Variants in PAMR1 observed in about 807,000 individuals in gnomAD.
PAMR1 encodes peptidase domain containing associated with muscle regeneration 1.
In PAMR1, 88 loss-of-function variants were observed where a neutral mutation model predicts 81.8. The ratio of observed to expected loss-of-function variants is 1.08; its 90% CI spans 0.91 to 1.28. PAMR1 has a LOEUF of 1.28. Ranked by LOEUF, PAMR1 falls within the 50% of genes most tolerant of loss-of-function variation. The probability of loss-of-function intolerance (pLI) is 0.00; values close to 1 mark genes in which losing one functional copy is unlikely to be tolerated. For synonymous variants in PAMR1, 336 were observed against 345.3 expected (o/e 0.97, Z 0.30); for missense variants, 935 against 919.7 (o/e 1.02, Z -0.21).
chr11:35,439,081 G>C (rs79182220), intron 8 of PAMR1, among the ~76,000 whole-genome samples: 1 of 151,966 alleles, frequency 6.6e-6, no homozygotes, highest in Non-Finnish European at 1.5e-5. Context: ...GAGTAGAAAG[G>C]GGCTACTCCC....
chr11:35,522,346 T>TA (rs1434024160), intron 1 of PAMR1, among the ~76,000 whole-genome samples: 1 of 152,188 alleles, frequency 6.6e-6, no homozygotes, highest in Non-Finnish European at 1.5e-5. Context: ...CATCAAATAA[T>TA]AACTCCCATT....
At chr11:35,499,935 A>C (rs1296953451) in intron 1 of PAMR1, among the ~76,000 whole-genome samples, 1 of 152,242 alleles carries the variant, frequency 6.6e-6, no homozygotes, top group Non-Finnish European at 1.5e-5. Flanking sequence ...AGAGGGAGGC[A>C]GGATGGTCAG....
intron 1 of PAMR1, among the ~76,000 whole-genome samples, chr11:35,502,894 G>T (rs938157238): frequency 6.6e-6 from 1 of 151,992 alleles, no homozygotes; most frequent in Non-Finnish European, 1.5e-5. Flanking sequence ...TGCTTTTGAC[G>T]TTTTCCCCAA....
chr11:35,462,797 C>T (rs1856684419), intron 6 of PAMR1, among the ~76,000 whole-genome samples: 1 of 152,128 alleles, frequency 6.6e-6, no homozygotes, highest in African/African-American at 2.4e-5. Context: ...TCGCTCAAGA[C>T]CACCTGACTA....
intron 2 of PAMR1, 65 bp from the exon 3 acceptor site, chr11:35,492,238 G>A (rs1850645905): frequency 6.4e-7 from 1 of 1,567,140 alleles, no homozygotes; most frequent in African/African-American, 1.4e-5. Flanking sequence ...CAGCTGCATG[G>A]GAGCACAACT....
intron 3 of PAMR1, among the ~76,000 whole-genome samples, chr11:35,484,149 A>T (rs1275401884): frequency 6.6e-6 from 1 of 152,234 alleles, no homozygotes; most frequent in Non-Finnish European, 1.5e-5. Context: ...ACTATATACC[A>T]GACTCCATAT....
intron 8 of PAMR1, among the ~76,000 whole-genome samples, chr11:35,438,258 T>C (rs1388804611): frequency 1.3e-5 from 2 of 152,162 alleles, no homozygotes; most frequent in African/African-American, 2.4e-5. Context: ...GTAATATAAA[T>C]GGTAATAAAA....
At position 35,436,111 on chromosome 11, in the gene PAMR1, G is replaced by A. The variant is rs1180120578; in HGVS notation, c.1125C>T (p.Tyr375=). The A allele has an allele frequency of 3.1e-6, 5 of 1,613,866 alleles. No homozygotes were observed. Among genetic ancestry groups the A allele is most frequent in the African/African-American group, 1.3e-5 (1 of 74,934 alleles). ...QSRETPLHQL[Y]SAAFSKQKLQ... ...GTTTCTGCTTGCTGAAGGCCGCTGA[G>A]TATAGCTGGTGTAATGGTGTCTCCC... Residue 375 remains tyrosine, a synonymous_variant, in exon 9 of 11, where the codon TAC becomes TAT. Transcript: ENST00000619888.
intron 1 of PAMR1, among the ~76,000 whole-genome samples, chr11:35,510,522 G>C (rs1327684660): frequency 1.5e-5 from 2 of 136,752 alleles, no homozygotes; most frequent in East Asian, 4.2e-4. Flanking sequence ...AGTTCCTTGT[G>C]AAAATGTTTG....
At chr11:35,501,122 CCTTTTTTTTT>C (rs1464363536) in intron 1 of PAMR1, among the ~76,000 whole-genome samples, 1 of 144,204 alleles carries the variant, frequency 6.9e-6, no homozygotes. Context: ...AATTTTATAA[CCTTTTTTTTT>C]CTTTTTTTTT....
At chr11:35,528,112 G>C (rs564284788), upstream of PAMR1, among the ~76,000 whole-genome samples, 34 of 152,104 alleles carry the variant, frequency 2.2e-4, no homozygotes, top group African/African-American at 8.0e-4. Flanking sequence ...TGAACCTGAA[G>C]GATAGCAGTC....
At chr11:35,492,014 T>G in intron 3 of PAMR1, 31 bp downstream of exon 3, 1 of 1,593,758 alleles carries the variant, frequency 6.3e-7, no homozygotes. Context: ...CAGTGTGCAC[T>G]AGAGATGGAG....
At chr11:35,461,584 T>C (rs893286711) in intron 6 of PAMR1, among the ~76,000 whole-genome samples, 2 of 151,256 alleles carry the variant, frequency 1.3e-5, no homozygotes, top group East Asian at 1.9e-4. Flanking sequence ...ATTGATCTAA[T>C]TGAAAAGAAA....
chr11:35,453,280 T>C (rs1182670154), intron 6 of PAMR1: 1 of 152,232 alleles, frequency 6.6e-6, no homozygotes, highest in Admixed American at 6.5e-5. Flanking sequence ...CAAAAGCCCA[T>C]TGTTGGGCCT....
At position 35,487,569 on chromosome 11, in the gene PAMR1, G is replaced by A. The variant is rs562572639; in HGVS notation, c.379+4476C>T. Among the ~76,000 whole-genome samples the A allele has an allele frequency of 1.3e-4, 20 of 152,316 alleles. No individual in the cohort carries two copies. In the South Asian group the frequency reaches 2.9e-3, roughly 22 times the overall value. Reference sequence around the variant, plus strand: ...AACTCTGGCTTCGACTGGGTCCTCCGTCTCGCTTGGATATGCTTTAAGCTT... The same window carrying A: ...AACTCTGGCTTCGACTGGGTCCTCCATCTCGCTTGGATATGCTTTAAGCTT... On this transcript the variant is annotated intron_variant, in intron 3 of 10. Coordinates refer to ENST00000619888, the MANE Select transcript of PAMR1 (RefSeq NM_001001991.3).
At chr11:35,454,513 T>C (rs998918449) in intron 6 of PAMR1, among the ~76,000 whole-genome samples, 1 of 152,212 alleles carries the variant, frequency 6.6e-6, no homozygotes, top group Non-Finnish European at 1.5e-5. Flanking sequence ...TCCCCAGCTC[T>C]GTTACTGGTT....
At chr11:35,510,510 A>G (rs1407869314) in intron 1 of PAMR1, among the ~76,000 whole-genome samples, 9 of 148,052 alleles carry the variant, frequency 6.1e-5, no homozygotes. Context: ...CCCCAAAAAA[A>G]GAGTTCCTTG....
chr11:35,479,788 C>G (rs1850350992), intron 3 of PAMR1, among the ~76,000 whole-genome samples: 1 of 152,174 alleles, frequency 6.6e-6, no homozygotes, highest in South Asian at 2.1e-4. Context: ...CTGCCACTTA[C>G]AAGTTGTATG....
At chr11:35,475,992 AT>A (rs1378873734) in intron 3 of PAMR1, among the ~76,000 whole-genome samples, 1 of 152,234 alleles carries the variant, frequency 6.6e-6, no homozygotes, top group African/African-American at 2.4e-5. Context: ...AAAAATAAAA[AT>A]ATTACTAGTG....
Sources: gnomAD v4.1 joint callset for allele counts (sites outside exome capture counted in the v4.1 genomes callset) on GRCh38, gnomAD v4.1.1 for gene constraint, MANE v1.5 for transcripts, NCBI Gene and HGNC (gene_info 2026-07-23, HGNC 2026-07-21) for gene names.